The following DLC1 variants were observed in gnomAD, a reference collection of about 807,000 sequenced individuals.
DLC1 encodes the protein DLC1 Rho GTPase activating protein, also known as rho GTPase-activating protein 7.
In DLC1, 54 loss-of-function variants were observed where a neutral mutation model predicts 140.3. The ratio of observed to expected loss-of-function variants is 0.38; its 90% CI spans 0.31 to 0.48. DLC1 has a LOEUF of 0.48. Among genes scored for constraint, DLC1 ranks in the 20% least tolerant of loss-of-function variants. The probability of loss-of-function intolerance (pLI) is 0.96; values close to 1 mark genes in which losing one functional copy is unlikely to be tolerated. For synonymous variants in DLC1, 986 were observed against 728.1 expected, an observed-to-expected ratio of 1.35 and a Z score of -5.70; for missense variants, 2,536 against 1,907.0, an observed-to-expected ratio of 1.33 and a Z score of -6.14.
chr8:13,104,538 T>C (rs1217533905), intron 7 of DLC1, among the ~76,000 whole-genome samples: 1 of 152,220 alleles, frequency 6.6e-6, no homozygotes. Flanking sequence ...ATGTGTCTGT[T>C]TGCCATCTGC....
At chr8:13,120,216 G>A (rs1820924116) in intron 5 of DLC1, among the ~76,000 whole-genome samples, 2 of 150,866 alleles carry the variant, frequency 1.3e-5, no homozygotes, top group Non-Finnish European at 3.0e-5. Flanking sequence ...GGTGGCGGGT[G>A]CCTGTAGTCC....
At chr8:13,314,240 T>C (rs911885096) in intron 4 of DLC1, among the ~76,000 whole-genome samples, 1 of 141,860 alleles carries the variant, frequency 7.0e-6, no homozygotes, top group Non-Finnish European at 1.5e-5. Context: ...CATATATTTA[T>C]AATATACATG....
At chr8:13,504,068 G>A (rs777458685) in intron 1 of DLC1, among the ~76,000 whole-genome samples, 11 of 150,506 alleles carry the variant, frequency 7.3e-5, no homozygotes, top group Non-Finnish European at 1.0e-4. Flanking sequence ...CTTGCAACTC[G>A]AAAACTCACT....
chr8:13,334,381 C>G (rs1563261342), intron 4 of DLC1, among the ~76,000 whole-genome samples: 1 of 152,030 alleles, frequency 6.6e-6, no homozygotes, highest in Non-Finnish European at 1.5e-5. Flanking sequence ...TGTGAGCCCC[C>G]CTGGAGGAGT....
intron 5 of DLC1, among the ~76,000 whole-genome samples, chr8:13,139,700 A>G (rs923088833): frequency 6.6e-6 from 1 of 152,248 alleles, no homozygotes; most frequent in African/African-American, 2.4e-5. Context: ...CCTGCCAGAA[A>G]ATGAACCCAA....
At chr8:13,250,443 A>T (rs1829952880) in intron 5 of DLC1, among the ~76,000 whole-genome samples, 1 of 152,184 alleles carries the variant, frequency 6.6e-6, no homozygotes, top group Non-Finnish European at 1.5e-5. Flanking sequence ...GATAAAATTT[A>T]TAAACCCTTA....
intron 5 of DLC1, among the ~76,000 whole-genome samples, chr8:13,291,109 A>G (rs1178640553): frequency 6.6e-6 from 1 of 152,148 alleles, no homozygotes; most frequent in African/African-American, 2.4e-5. Context: ...GGGTTTCACC[A>G]TGTGGGCCAG....
At chr8:13,318,629 A>G (rs1250576407) in intron 4 of DLC1, among the ~76,000 whole-genome samples, 8 of 152,214 alleles carry the variant, frequency 5.3e-5, no homozygotes, top group Admixed American at 5.2e-4. Context: ...ATGGATTTTA[A>G]TTGCTAGTAA....
chr8:13,307,620 C>CT (rs1832503056), intron 4 of DLC1, among the ~76,000 whole-genome samples: 1 of 152,088 alleles, frequency 6.6e-6, no homozygotes, highest in Admixed American at 6.6e-5. Flanking sequence ...AGAAACCTTT[C>CT]TTTTTTCAAC....
chr8:13,192,016 A>T (rs1360836666), intron 5 of DLC1, among the ~76,000 whole-genome samples: 1 of 148,522 alleles, frequency 6.7e-6, no homozygotes, highest in Non-Finnish European at 1.5e-5. Context: ...ATCTCGGCTC[A>T]CTGCAGCCTC....
At chr8:13,345,715 G>T (rs1020948032) in intron 4 of DLC1, among the ~76,000 whole-genome samples, 1 of 151,596 alleles carries the variant, frequency 6.6e-6, no homozygotes, top group Non-Finnish European at 1.5e-5. Context: ...CTGCCACCAC[G>T]CCTGGCTCAT....
intron 1 of DLC1, among the ~76,000 whole-genome samples, chr8:13,565,331 C>T (rs1415171050): frequency 6.6e-6 from 1 of 152,010 alleles, no homozygotes; most frequent in Non-Finnish European, 1.5e-5. Context: ...CTCCCTTGTT[C>T]AATGTTATGG....
chr8:13,251,950 A>C (rs1830026587), intron 5 of DLC1, among the ~76,000 whole-genome samples: 1 of 152,226 alleles, frequency 6.6e-6, no homozygotes, highest in South Asian at 2.1e-4. Context: ...AAGTTACATA[A>C]GGGAAATGGG....
In DLC1 at chr8:13,430,832, C is replaced by T. The variant is rs564121201; in HGVS notation, c.1024-29213G>A. On this transcript the variant is annotated intron_variant, in intron 2 of 17. Transcript: ENST00000276297. ...ATTTGTAAATTGCATTTTATTGCTG[C>T]TAAATTTCCAATAATAGATTATATT... Among the ~76,000 whole-genome samples, 267 of 152,150 alleles carry T rather than the reference C, an allele frequency of 1.8e-3. 1 individual carries two copies. The highest frequency in any genetic ancestry group is 4.3e-3 in the Admixed American group (65 of 15,292).
intron 1 of DLC1, among the ~76,000 whole-genome samples, chr8:13,505,805 A>C (rs1307211989): frequency 1.3e-5 from 2 of 152,218 alleles, no homozygotes; most frequent in Non-Finnish European, 1.5e-5. Context: ...AATTTGGAAC[A>C]GGTATTCTTA....
At chr8:13,122,653 G>T (rs964141341) in intron 5 of DLC1, among the ~76,000 whole-genome samples, 1 of 152,090 alleles carries the variant, frequency 6.6e-6, no homozygotes, top group East Asian at 1.9e-4. Context: ...TAAATTCCTA[G>T]TAAGGTTAAG....
rs1837297884 is a variant in DLC1, at chr8:13,401,550, G to C, written c.1093C>G (p.Leu365Val). ...AGGGCATTTTCTATGTCCTGATCAAGCTGGTCCAGTTTCATAATCAGCAGC... is the reference window on the plus strand; with the variant it reads ...AGGGCATTTTCTATGTCCTGATCAACCTGGTCCAGTTTCATAATCAGCAGC... ...MVLLIMKLDQ[L>V]DQDIENALST... Residue 365 changes from leucine to valine, a missense_variant, in exon 3 of 18, where the codon CTT becomes GTT. Physicochemically the swap from Leu to Val is conservative, Grantham distance 32 (BLOSUM62 1). Transcript: ENST00000276297. 2 of 1,613,628 alleles carry C rather than the reference G, an allele frequency of 1.2e-6. No homozygotes were observed. Among genetic ancestry groups the C allele is most frequent in the Admixed American group, 3.3e-5 (2 of 60,022 alleles).
chr8:13,091,194 CTATT>C (rs1251523840), intron 14 of DLC1, 120 bp downstream of exon 14: 5 of 733,128 alleles, frequency 6.8e-6, no homozygotes, highest in Non-Finnish European at 1.1e-5. Context: ...CATTCTCAGG[CTATT>C]TATACCGTCT....
intron 4 of DLC1, among the ~76,000 whole-genome samples, chr8:13,383,464 C>G (rs565207886): frequency 7.2e-5 from 11 of 152,292 alleles, no homozygotes; most frequent in African/African-American, 2.6e-4. Flanking sequence ...ATTTATTTAA[C>G]AAAATCTTGA....
Sources: gnomAD v4.1 joint callset for allele counts (sites outside exome capture counted in the v4.1 genomes callset) on GRCh38, gnomAD v4.1.1 for gene constraint, MANE v1.5 for transcripts, NCBI Gene and HGNC (gene_info 2026-07-23, HGNC 2026-07-21) for gene names.